DOCK1: variants seen among roughly 807,000 people sequenced by gnomAD.
The protein encoded by DOCK1 is dedicator of cytokinesis 1, also known as dedicator of cytokinesis protein 1.
In DOCK1, 138 loss-of-function variants were observed where a neutral mutation model predicts 262.7. The ratio of observed to expected loss-of-function variants is 0.53; its 90% confidence interval spans 0.46 to 0.61. The LOEUF (loss-of-function observed/expected upper bound fraction) is 0.61, where lower values mean the gene tolerates loss of function less well. DOCK1 is among the 20% of genes least tolerant of loss of function. DOCK1 has a pLI of 0.00. For synonymous variants in DOCK1, 866 were observed against 867.4 expected (o/e 1.00, Z 0.03); for missense variants, 1,908 against 2,370.7 (o/e 0.80, Z 4.05).
At chr10:126,931,913 C>T (rs2034219269) in intron 1 of DOCK1, among the ~76,000 whole-genome samples, 3 of 152,200 alleles carry the variant, frequency 2.0e-5, no homozygotes, top group South Asian at 4.2e-4. Flanking sequence ...CTCAATCTCC[C>T]CTTCCAGAGG....
intron 23 of DOCK1, among the ~76,000 whole-genome samples, chr10:127,089,352 G>A (rs1038079591): frequency 6.6e-6 from 1 of 152,064 alleles, no homozygotes; most frequent in Admixed American, 6.5e-5. Flanking sequence ...CCCCACATCT[G>A]GATTCAGACC....
intron 27 of DOCK1, among the ~76,000 whole-genome samples, chr10:127,246,410 C>A (rs1051464844): frequency 7.9e-5 from 12 of 152,338 alleles, no homozygotes; most frequent in African/African-American, 2.9e-4. Context: ...CCACGGGACA[C>A]ATCTCATTGT....
chr10:127,037,669 G>T, intron 18 of DOCK1, 50 bp from the exon 19 acceptor site: 1 of 1,487,546 alleles, frequency 6.7e-7, no homozygotes, highest in South Asian at 1.3e-5. Flanking sequence ...AACAGAGACA[G>T]AACAGAGTTT....
In DOCK1 at chr10:126,970,682, T is replaced by A. The variant is rs1281444938; in HGVS notation, c.47-20T>A. 3 of 1,578,998 alleles carry A rather than the reference T, an allele frequency of 1.9e-6. No homozygotes were observed. The African/African-American group carries it at 4.0e-5, about 21-fold the overall frequency. On this transcript the variant is annotated intron_variant, in intron 1 of 51. Transcript: ENST00000623213. ...TCTATCTTTACTATTACTAATATAT[T>A]TCCCCTTTTTTCATCACAGCTTTTT...
At chr10:127,043,286 A>G (rs2044139364) in intron 21 of DOCK1, 122 bp downstream of exon 21, 5 of 764,978 alleles carry the variant, frequency 6.5e-6, no homozygotes, top group Non-Finnish European at 6.4e-6. Context: ...CTCTGAGTTT[A>G]CTGGAATAAT....
chr10:127,274,513 C>T (rs1026294807), intron 29 of DOCK1, among the ~76,000 whole-genome samples: 2 of 152,006 alleles, frequency 1.3e-5, no homozygotes, highest in African/African-American at 2.4e-5. Context: ...GCTACACCAG[C>T]GATGGCCATG....
In DOCK1 at chr10:127,374,149, G is replaced by A; in HGVS notation, c.3610G>A (p.Asp1204Asn). ...TGTGCGCTTAATGGAAAGGCTTTTG[G>A]ATTATAGAACCATCATGCACGACGA... ...LVVRLMERLL[D>N]YRTIMHDENK... The change falls in exon 35 of 52, where the codon GAT (aspartate) becomes AAT (asparagine). Residue 1204 changes from aspartate to asparagine, a missense_variant. By Grantham distance (23) the Asp-to-Asn change is conservative. Around this residue, in one of 9 missense-constraint regions of DOCK1, gnomAD observed 267 missense variants for 366.3 expected, o/e 0.73. Transcript: ENST00000623213. 6.2e-7 allele frequency: 1 copy of A among 1,613,842 alleles called. No individual in the cohort carries two copies. Among genetic ancestry groups the A allele is most frequent in the Non-Finnish European group, 8.5e-7 (1 of 1,179,830 alleles).
chr10:126,938,931 G>A (rs1265274080), intron 1 of DOCK1, among the ~76,000 whole-genome samples: 1 of 83,014 alleles, frequency 1.2e-5, no homozygotes, highest in African/African-American at 5.2e-5. Context: ...GGATGAACAC[G>A]GGGGGACGAA....
intron 6 of DOCK1, among the ~76,000 whole-genome samples, chr10:126,990,988 A>T (rs1304272078): frequency 1.3e-5 from 2 of 152,242 alleles, no homozygotes; most frequent in African/African-American, 4.8e-5. Context: ...TTTCTGTGGA[A>T]TCCCAGGTTC....
rs1392409503 is a variant in DOCK1, at chr10:127,171,629, TTCCCCAGCTTCAAGA to T, written c.2847+43866_2847+43880del. Among the ~76,000 whole-genome samples, 6 of 152,310 alleles carry T rather than the reference TTCCCCAGCTTCAAGA, an allele frequency of 3.9e-5. No homozygotes were observed. In the South Asian group the frequency reaches 8.3e-4, roughly 21 times the overall value. The stretch of plus-strand genomic sequence containing the variant: ...TGGCAAGTGGGGAGAGGAACTGACT[TTCCCCAGCTTCAAGA>T]GTGTTCTCCAGCTCCTGATTTGTAG... On this transcript the variant is annotated intron_variant, in intron 27 of 51. Transcript: ENST00000623213.
chr10:126,925,474 C>G (rs1293684611), intron 1 of DOCK1, among the ~76,000 whole-genome samples: 1 of 152,172 alleles, frequency 6.6e-6, no homozygotes. Context: ...AACTCTGCCT[C>G]TCGGGTTCAA....
At chr10:127,442,308 C>T (rs1310919369) in intron 49 of DOCK1, among the ~76,000 whole-genome samples, 6 of 152,158 alleles carry the variant, frequency 3.9e-5, no homozygotes, top group Admixed American at 2.0e-4. Context: ...GTTGCTCACC[C>T]AAACCAGCAC....
chr10:127,356,192 C>T (rs557431848), intron 32 of DOCK1, among the ~76,000 whole-genome samples: 39 of 152,298 alleles, frequency 2.6e-4, no homozygotes, highest in African/African-American at 8.9e-4. Flanking sequence ...CTACCAGGCA[C>T]CATCCTGTCC....
At chr10:127,052,947 G>C in intron 22 of DOCK1, 132 bp downstream of exon 22, 2 of 1,389,322 alleles carry the variant, frequency 1.4e-6, no homozygotes, top group Non-Finnish European at 1.9e-6. Context: ...TGCTTTCTAG[G>C]CTGAGAGAGC....
intron 1 of DOCK1, among the ~76,000 whole-genome samples, chr10:126,947,352 G>A (rs1251778827): frequency 1.4e-5 from 2 of 144,436 alleles, no homozygotes; most frequent in African/African-American, 2.5e-5. Flanking sequence ...GGTGATGGTG[G>A]TGGTTGGTAG....
chr10:127,132,918 C>T (rs566567231), intron 27 of DOCK1, among the ~76,000 whole-genome samples: 1 of 152,196 alleles, frequency 6.6e-6, no homozygotes, highest in Admixed American at 6.5e-5. Flanking sequence ...AGGAAAAATT[C>T]CCTTTGAACA....
chr10:126,908,340 AC>A (rs1195564616), intron 1 of DOCK1, among the ~76,000 whole-genome samples: 1 of 152,162 alleles, frequency 6.6e-6, no homozygotes, highest in Non-Finnish European at 1.5e-5. Context: ...CACCATCCTT[AC>A]CAACTCCAGC....
At chr10:127,052,944 T>C in intron 22 of DOCK1, 129 bp downstream of exon 22, 1 of 1,414,678 alleles carries the variant, frequency 7.1e-7, no homozygotes, top group East Asian at 2.5e-5. Context: ...CCTTGCTTTC[T>C]AGGCTGAGAG....
Position 127,446,053 on chromosome 10 carries a change from C to A in DOCK1, c.5414-1341C>A, listed in dbSNP as rs141378763. ...ATCAGCTGAGGTCAGGAGTTCGAGACCAGCCAGTCAACATGGTAAAACCCC... is the reference window on the plus strand; with the variant it reads ...ATCAGCTGAGGTCAGGAGTTCGAGAACAGCCAGTCAACATGGTAAAACCCC... On this transcript the variant is annotated intron_variant, in intron 50 of 51. Coordinates refer to ENST00000623213, the MANE Select transcript of DOCK1 (RefSeq NM_001290223.2). This position sits in a 1 kb window ranked among gnomAD's most constrained non-coding sequence, Gnocchi z 4.4. Among the ~76,000 whole-genome samples, 1,315 of 152,240 alleles carry A rather than the reference C, an allele frequency of 8.6e-3. 15 individuals carry two copies. The highest frequency in any genetic ancestry group is 0.034 in the Middle Eastern group (10 of 294).
Sources: gnomAD v4.1 joint callset for allele counts (sites outside exome capture counted in the v4.1 genomes callset) on GRCh38, gnomAD v4.1.1 for gene constraint, gnomAD v4.1.1 regional missense constraint, Gnocchi (gnomAD v3.1) non-coding constraint, MANE v1.5 for transcripts, NCBI Gene and HGNC (gene_info 2026-07-23, HGNC 2026-07-21) for gene names.